CDC20B: variants seen among roughly 807,000 people sequenced by gnomAD.
CDC20B encodes cell division cycle 20B.
CDC20B carries 58 observed loss-of-function variants against 64.1 expected under a neutral mutation model. That is an observed-to-expected ratio of 0.90 (90% confidence interval 0.73 to 1.13). The LOEUF is 1.13. Among genes scored for constraint, CDC20B ranks in the 50% most tolerant of loss-of-function variants. The probability of loss-of-function intolerance (pLI) is 0.00; values close to 1 mark genes in which losing one functional copy is unlikely to be tolerated. For synonymous variants in CDC20B, 243 were observed against 230.6 expected (o/e 1.05, Z -0.49); for missense variants, 597 against 633.0 (o/e 0.94, Z 0.61).
intron 2 of CDC20B, among the ~76,000 whole-genome samples, chr5:55,154,289 G>T (rs1222617688): frequency 6.6e-6 from 1 of 152,316 alleles, no homozygotes; most frequent in Non-Finnish European, 1.5e-5. Context: ...GGCCAGTGCA[G>T]AGGGGGAATC....
intron 2 of CDC20B, 132 bp downstream of exon 2, chr5:55,172,456 G>C (rs906462447): frequency 1.5e-6 from 1 of 661,880 alleles, no homozygotes; most frequent in Non-Finnish European, 2.6e-6. Flanking sequence ...ATTTTTTTTA[G>C]TATGTAATAA....
At chr5:55,152,275 A>G (rs891289836) in intron 2 of CDC20B, among the ~76,000 whole-genome samples, 2 of 152,326 alleles carry the variant, frequency 1.3e-5, no homozygotes, top group Admixed American at 1.3e-4. Context: ...CTAAGCTACA[A>G]AGTTTCTGGT....
chr5:55,170,955 T>G (rs534351163), intron 2 of CDC20B, among the ~76,000 whole-genome samples: 1 of 152,306 alleles, frequency 6.6e-6, no homozygotes, highest in East Asian at 1.9e-4. Context: ...ATACTTACAT[T>G]TAGGTTTTCC....
intron 2 of CDC20B, among the ~76,000 whole-genome samples, chr5:55,169,909 C>T (rs532795320): frequency 3.3e-4 from 50 of 152,180 alleles, no homozygotes; most frequent in South Asian, 1.2e-3. Context: ...GTCAGGAGAT[C>T]GAGACCATCC....
In CDC20B at chr5:55,114,533, G is replaced by A. The variant is rs1425173233; in HGVS notation, c.1460-215C>T. On this transcript the variant is annotated intron_variant, in intron 11 of 11. Coordinates refer to ENST00000381375, the MANE Select transcript of CDC20B (RefSeq NM_001170402.1). This position sits in a 1 kb window ranked among gnomAD's most constrained non-coding sequence, Gnocchi z 4.1. Reference sequence around the variant, plus strand: ...TTTCTCCCTCAGTGCTCTTGCCCCTGTATCAGTGTCCTGTGGCTGCCATAA... The same window carrying A: ...TTTCTCCCTCAGTGCTCTTGCCCCTATATCAGTGTCCTGTGGCTGCCATAA... Among the ~76,000 whole-genome samples, 1 of 152,194 alleles carries A rather than the reference G, an allele frequency of 6.6e-6. No individual in the cohort carries two copies.
In CDC20B at chr5:55,119,905, A is replaced by T; in HGVS notation, c.1355T>A (p.Ile452Asn). The T allele has an allele frequency of 6.2e-7, 1 of 1,607,848 alleles. No homozygotes were observed. Among genetic ancestry groups the T allele is most frequent in the South Asian group, 1.1e-5 (1 of 90,944 alleles). ...PSTNSQICSL[I>N]WLPKTKEIAT... ...AATCTCCTTTGTCTTAGGTAGCCAG[A>T]TTAAGGAACAAATCTGTAATAATGA... The change falls in exon 11 of 12, where the codon ATC (isoleucine) becomes AAC (asparagine). Residue 452 changes from isoleucine to asparagine, a missense_variant. Ile to Asn is a moderately radical substitution (Grantham distance 149, BLOSUM62 -3). This residue lies in a region of CDC20B where 353 missense variants were observed against 397.0 expected (regional missense o/e 0.89). Transcript: ENST00000381375.
chr5:55,129,371 G>A (rs903296431), intron 6 of CDC20B, among the ~76,000 whole-genome samples: 3 of 152,306 alleles, frequency 2.0e-5, no homozygotes, highest in African/African-American at 4.8e-5. Context: ...AAAATTTGGA[G>A]AAGCAAACTG....
chr5:55,114,342 T>A lies in CDC20B; in HGVS notation c.1460-24A>T, dbSNP rs188806817. ...GCCTGGGGGAAGAAGGAAAGACAGT[T>A]CATACTCCTCCACGTTACATGGGCT... On this transcript the variant is annotated intron_variant, in intron 11 of 11. Transcript: ENST00000381375. The surrounding 1 kb of genome is among the most constrained non-coding windows in gnomAD (Gnocchi z 4.1). 278 of 1,612,148 alleles carry A rather than the reference T, an allele frequency of 1.7e-4. 2 individuals are homozygous for A. The highest frequency in any genetic ancestry group is 1.4e-4 in the Non-Finnish European group (163 of 1,179,044).
chr5:55,137,609 C>A (rs552687944), intron 5 of CDC20B: 1 of 456,566 alleles, frequency 2.2e-6, no homozygotes, highest in Non-Finnish European at 4.4e-6. Context: ...CTGTTCAAAT[C>A]GTTTCTTCAT....
At chr5:55,148,140 G>C (rs1163546328) in intron 2 of CDC20B, among the ~76,000 whole-genome samples, 2 of 152,040 alleles carry the variant, frequency 1.3e-5, no homozygotes, top group Non-Finnish European at 2.9e-5. Flanking sequence ...TGGGCCATAG[G>C]ACATTAAAAA....
rs145386958 is a variant in CDC20B, at chr5:55,124,961, G to A, written c.1057C>T (p.Arg353Cys). The A allele has an allele frequency of 9.8e-5, 158 of 1,614,176 alleles. No homozygotes were observed. In the East Asian group the frequency reaches 2.6e-3, roughly 27 times the overall value. Reference protein sequence around the residue: ...RVAQHHVGTLRHKQAVCALKW... With the variant: ...RVAQHHVGTLCHKQAVCALKW... ...AGAGCACACACAGCTTGCTTGTGGC[G>A]AAGTGTTCCAACATGATGCTGGGCT... Residue 353 changes from arginine (R) to cysteine (C), a missense_variant, in exon 9 of 12, where the codon CGC becomes TGC. By Grantham distance (180) the Arg-to-Cys change is radical. This residue lies in a region of CDC20B where 353 missense variants were observed against 397.0 expected (regional missense o/e 0.89). Coordinates refer to ENST00000381375, the MANE Select transcript of CDC20B (RefSeq NM_001170402.1).
In CDC20B at chr5:55,124,997, C is replaced by T. The variant is rs774665026; in HGVS notation, c.1021G>A (p.Asp341Asn). ...GSRLGRVYHH[D>N]VRVAQHHVGT... ...ACATGATGCTGGGCTACCCGAACAT[C>T]GTGATGATAAACACGCCCCAGTCTT... The change falls in exon 9 of 12, where the codon GAT (aspartate) becomes AAT (asparagine). Residue 341 changes from aspartate to asparagine, a missense_variant. Transcript: ENST00000381375. The T allele has an allele frequency of 4.0e-5, 65 of 1,613,576 alleles. No individual in the cohort carries two copies. The highest frequency in any genetic ancestry group is 5.1e-5 in the Non-Finnish European group (60 of 1,179,630).
intron 2 of CDC20B, chr5:55,160,025 A>G (rs1743947091): frequency 1.7e-6 from 1 of 597,298 alleles, no homozygotes; most frequent in Non-Finnish European, 3.0e-6. Flanking sequence ...TCCTTGCTTC[A>G]TTCAGGAGTT....
chr5:55,114,616 A>G lies in CDC20B; in HGVS notation c.1460-298T>C, dbSNP rs1742582988. On this transcript the variant is annotated intron_variant, in intron 11 of 11. Transcript: ENST00000381375. This position sits in a 1 kb window ranked among gnomAD's most constrained non-coding sequence, Gnocchi z 4.1. The stretch of plus-strand genomic sequence containing the variant: ...CAGAAATTGATTCTCACAGTTCTGG[A>G]GATGGGAAGTCTGAAATCATGGGGT... 6.6e-6 allele frequency among the ~76,000 whole-genome samples: 1 copy of G among 152,178 alleles called. No homozygotes were observed. Among genetic ancestry groups the G allele is most frequent in the Non-Finnish European group, 1.5e-5 (1 of 68,032 alleles).
At chr5:55,160,909 A>G (rs960618667) in intron 2 of CDC20B, 22 of 1,402,446 alleles carry the variant, frequency 1.6e-5, no homozygotes, top group Middle Eastern at 1.9e-4. Flanking sequence ...GTCCCCCCCA[A>G]ATTGTTTAGG....
At chr5:55,126,059 G>T (rs182152132) in intron 8 of CDC20B, among the ~76,000 whole-genome samples, 2 of 152,258 alleles carry the variant, frequency 1.3e-5, no homozygotes, top group Admixed American at 1.3e-4. Flanking sequence ...TTTCCTCGTG[G>T]ATAATGAAAC....
chr5:55,121,899 T>C (rs889421106), intron 9 of CDC20B, among the ~76,000 whole-genome samples: 2 of 152,228 alleles, frequency 1.3e-5, no homozygotes, highest in African/African-American at 4.8e-5. Context: ...TCTTAACGCT[T>C]TTCTTACAAG....
chr5:55,139,608 A>G (rs1259787515), intron 5 of CDC20B, among the ~76,000 whole-genome samples: 3 of 152,238 alleles, frequency 2.0e-5, no homozygotes, highest in Non-Finnish European at 2.9e-5. Context: ...AAGAAGCATA[A>G]TTATATTATT....
At chr5:55,148,802 G>T (rs149617089) in intron 2 of CDC20B, among the ~76,000 whole-genome samples, 3 of 152,248 alleles carry the variant, frequency 2.0e-5, no homozygotes, top group African/African-American at 7.2e-5. Flanking sequence ...CATATGTACA[G>T]GGTTTTACAC....
Sources: allele counts gnomAD v4.1 joint callset (sites outside exome capture counted in the v4.1 genomes callset), GRCh38; gene constraint gnomAD v4.1.1; regional missense constraint gnomAD v4.1.1; non-coding constraint Gnocchi (gnomAD v3.1); transcripts MANE v1.5; gene names NCBI Gene and HGNC (gene_info 2026-07-23, HGNC 2026-07-21).